The following TRERF1 variants were observed in gnomAD, a reference collection of about 807,000 sequenced individuals.
TRERF1 encodes transcriptional regulating factor 1.
TRERF1 carries 27 observed loss-of-function variants against 122.9 expected under a neutral mutation model. The ratio of observed to expected loss-of-function variants is 0.22; its 90% CI spans 0.16 to 0.30. TRERF1 has a LOEUF of 0.30. Ranked by LOEUF, TRERF1 falls within the 10% of genes least tolerant of loss-of-function variation. TRERF1 has a pLI of 1.00. For missense variants in TRERF1, 1,248 were observed against 1,560.3 expected (o/e 0.80, Z 3.37); for synonymous variants, 636 against 641.7 (o/e 0.99, Z 0.13).
chr6:42,261,781 G>A (rs1482966826), intron 8 of TRERF1, among the ~76,000 whole-genome samples: 1 of 152,058 alleles, frequency 6.6e-6, no homozygotes, highest in Non-Finnish European at 1.5e-5. Flanking sequence ...CACCAACGAG[G>A]TCTCTCTCAC....
intron 17 of TRERF1, among the ~76,000 whole-genome samples, chr6:42,231,809 C>T (rs1173320852): frequency 6.6e-6 from 1 of 152,184 alleles, no homozygotes; most frequent in African/African-American, 2.4e-5. Flanking sequence ...TGGTCAGAAG[C>T]CCAGGTCTGC....
intron 3 of TRERF1, among the ~76,000 whole-genome samples, chr6:42,334,537 T>C (rs1581651459): frequency 6.6e-6 from 1 of 152,236 alleles, no homozygotes; most frequent in Admixed American, 6.5e-5. Context: ...CTGGGACTAA[T>C]TCTACACAGC....
At chr6:42,324,875 T>C (rs555172975) in intron 3 of TRERF1, among the ~76,000 whole-genome samples, 1 of 152,190 alleles carries the variant, frequency 6.6e-6, no homozygotes, top group African/African-American at 2.4e-5. Context: ...TCAAGAGCAA[T>C]TGCAAGAAAA....
intron 2 of TRERF1, among the ~76,000 whole-genome samples, chr6:42,439,342 G>C (rs1562215069): frequency 6.6e-6 from 1 of 152,128 alleles, no homozygotes; most frequent in African/African-American, 2.4e-5. Context: ...CTCATCATCT[G>C]GCAACTGTCT....
At chr6:42,285,016 T>C (rs560628428) in intron 4 of TRERF1, among the ~76,000 whole-genome samples, 2 of 152,132 alleles carry the variant, frequency 1.3e-5, no homozygotes, top group Non-Finnish European at 2.9e-5. Flanking sequence ...AAAGCTGACA[T>C]TTAGACTTCA....
intron 4 of TRERF1, among the ~76,000 whole-genome samples, chr6:42,282,946 T>G (rs1391408298): frequency 6.6e-6 from 1 of 152,198 alleles, no homozygotes; most frequent in Non-Finnish European, 1.5e-5. Flanking sequence ...AACATCTATT[T>G]TTTTCATTCA....
intron 2 of TRERF1, among the ~76,000 whole-genome samples, chr6:42,410,215 C>A (rs1024506896): frequency 6.6e-6 from 1 of 152,162 alleles, no homozygotes; most frequent in Non-Finnish European, 1.5e-5. Context: ...GATCAGGGCT[C>A]ACAGAGTCTC....
chr6:42,411,308 C>T (rs1356004581), intron 2 of TRERF1, among the ~76,000 whole-genome samples: 1 of 152,128 alleles, frequency 6.6e-6, no homozygotes, highest in Non-Finnish European at 1.5e-5. Flanking sequence ...AACTGAGGTC[C>T]GGGAGGGTTA....
intron 2 of TRERF1, among the ~76,000 whole-genome samples, chr6:42,426,056 G>C (rs190809920): frequency 3.9e-5 from 6 of 152,152 alleles, no homozygotes; most frequent in Non-Finnish European, 8.8e-5. Flanking sequence ...CAAGATGCTA[G>C]GTGTCACCCA....
At chr6:42,290,828 G>C (rs1784208501) in intron 4 of TRERF1, among the ~76,000 whole-genome samples, 1 of 142,840 alleles carries the variant, frequency 7.0e-6, no homozygotes, top group South Asian at 2.2e-4. Flanking sequence ...GGAAATCAGT[G>C]CTGGGATGTG....
At position 42,228,447 on chromosome 6, in the gene TRERF1, G is replaced by C. The variant is rs770473962; in HGVS notation, c.3501C>G (p.Val1167=). ...CTTCCATGACACCTCCCAACTGCTG[G>C]ACGACGTCGTCGTCGAGGATGTCCA... The change falls in exon 18 of 18, where the codon GTC becomes GTG. Residue 1167 remains valine, a synonymous_variant. Coordinates refer to ENST00000372922, the Ensembl canonical transcript of TRERF1. This position sits in a 1 kb window ranked among gnomAD's most constrained non-coding sequence, Gnocchi z 4.2. The C allele has an allele frequency of 3.7e-6, 6 of 1,614,042 alleles. No individual in the cohort carries two copies. Among genetic ancestry groups the C allele is most frequent in the African/African-American group, 2.7e-5 (2 of 74,930 alleles).
chr6:42,432,647 G>C (rs974861717), intron 2 of TRERF1, among the ~76,000 whole-genome samples: 1 of 152,164 alleles, frequency 6.6e-6, no homozygotes, highest in African/African-American at 2.4e-5. Flanking sequence ...TTTGAGACCA[G>C]CCTGGCCAAT....
chr6:42,270,804 G>A (rs543772003), intron 4 of TRERF1, among the ~76,000 whole-genome samples: 12 of 132,010 alleles, frequency 9.1e-5, no homozygotes, highest in African/African-American at 2.6e-4. Flanking sequence ...ATGGAGTCTC[G>A]CTCTGTTGCC....
At chr6:42,351,378 G>A (rs1244718266) in intron 3 of TRERF1, among the ~76,000 whole-genome samples, 1 of 152,124 alleles carries the variant, frequency 6.6e-6, no homozygotes, top group Non-Finnish European at 1.5e-5. Context: ...CAATGGTACT[G>A]TAATAGAAAA....
chr6:42,399,068 G>C (rs528766914), intron 2 of TRERF1, among the ~76,000 whole-genome samples: 14 of 152,304 alleles, frequency 9.2e-5, no homozygotes, highest in African/African-American at 3.1e-4. Context: ...TAACCAGATG[G>C]AAGGAAGTCA....
rs539234143 is a variant in TRERF1 at position 42,320,937 on chromosome 6, G to C, written c.-370-20188C>G. Among the ~76,000 whole-genome samples the C allele has an allele frequency of 5.0e-4, 76 of 152,292 alleles. 1 individual carries two copies. The South Asian group carries it at 0.015, about 31-fold the overall frequency. On this transcript the variant is annotated intron_variant, in intron 3 of 17. Coordinates refer to ENST00000372922, the Ensembl canonical transcript of TRERF1. ...GGAAGATTAGAAACTGATGATGCAAGCACAGGAAGCCTGAGCTCCAGCGCT... is the reference window on the plus strand; with the variant it reads ...GGAAGATTAGAAACTGATGATGCAACCACAGGAAGCCTGAGCTCCAGCGCT...
chr6:42,270,173 A>T (rs1779960485), intron 4 of TRERF1, among the ~76,000 whole-genome samples: 1 of 152,198 alleles, frequency 6.6e-6, no homozygotes, highest in African/African-American at 2.4e-5. Flanking sequence ...GTGACAGCAT[A>T]AAACCGCACC....
intron 3 of TRERF1, among the ~76,000 whole-genome samples, chr6:42,306,298 G>A (rs901109277): frequency 4.6e-5 from 7 of 152,072 alleles, no homozygotes; most frequent in Admixed American, 2.6e-4. Context: ...CACCACGCCC[G>A]GCCAATCTCC....
At chr6:42,305,406 G>A (rs955447751) in intron 3 of TRERF1, among the ~76,000 whole-genome samples, 3 of 152,172 alleles carry the variant, frequency 2.0e-5, no homozygotes, top group Admixed American at 1.3e-4. Context: ...TACAATGGGG[G>A]TGACAAATGC....
Sources: allele counts gnomAD v4.1 joint callset (sites outside exome capture counted in the v4.1 genomes callset), GRCh38; gene constraint gnomAD v4.1.1; non-coding constraint Gnocchi (gnomAD v3.1); transcripts MANE v1.5; gene names NCBI Gene and HGNC (gene_info 2026-07-23, HGNC 2026-07-21).